SEMA5A: variants seen among roughly 807,000 people sequenced by gnomAD.
SEMA5A encodes semaphorin-5A.
In SEMA5A, 55 loss-of-function variants were observed where a neutral mutation model predicts 135.5. That is an observed-to-expected ratio of 0.41 (90% CI 0.33 to 0.51). The LOEUF is 0.51. Ranked by LOEUF, SEMA5A falls within the 20% of genes least tolerant of loss-of-function variation. The pLI is 0.37. For synonymous variants in SEMA5A, 580 were observed against 546.5 expected (o/e 1.06, Z -0.85); for missense variants, 1,290 against 1,419.9 (o/e 0.91, Z 1.47).
Position 9,146,747 on chromosome 5 carries a change from T to C in SEMA5A, c.1481+7741A>G, listed in dbSNP as rs559927287. Among the ~76,000 whole-genome samples, 9 of 152,282 alleles carry C rather than the reference T, an allele frequency of 5.9e-5. No individual in the cohort carries two copies. In the South Asian group the frequency reaches 1.7e-3, roughly 28 times the overall value. On this transcript the variant is annotated intron_variant, in intron 12 of 22. Transcript: ENST00000382496. ...GGGATGCCTCATTCATCATCCTCTA[T>C]GCAGGGCCCCACTTGGTGTTTGGCA...
At chr5:9,499,695 A>G (rs1158054666) in intron 1 of SEMA5A, among the ~76,000 whole-genome samples, 1 of 152,222 alleles carries the variant, frequency 6.6e-6, no homozygotes, top group Non-Finnish European at 1.5e-5. Flanking sequence ...GCTCAAGACA[A>G]AGGATACTAC....
intron 1 of SEMA5A, among the ~76,000 whole-genome samples, chr5:9,491,150 G>T (rs1734981057): frequency 6.6e-6 from 1 of 152,076 alleles, no homozygotes; most frequent in African/African-American, 2.4e-5. Context: ...GTTTTGGACA[G>T]AAACGGTCAT....
At chr5:9,423,417 T>C (rs987860915) in intron 2 of SEMA5A, among the ~76,000 whole-genome samples, 1 of 152,236 alleles carries the variant, frequency 6.6e-6, no homozygotes, top group African/African-American at 2.4e-5. Context: ...GTACAAACTA[T>C]GCGCAGCCTT....
intron 11 of SEMA5A, among the ~76,000 whole-genome samples, chr5:9,156,866 T>G (rs1742983382): frequency 6.6e-6 from 1 of 152,280 alleles, no homozygotes; most frequent in South Asian, 2.1e-4. Context: ...TGCTCATATG[T>G]ATTTCAAATT....
At chr5:9,179,601 A>G (rs1232066961) in intron 11 of SEMA5A, among the ~76,000 whole-genome samples, 1 of 152,220 alleles carries the variant, frequency 6.6e-6, no homozygotes, top group Non-Finnish European at 1.5e-5. Flanking sequence ...AACACATTAA[A>G]ATACAAGAAC....
chr5:9,198,915 C>T (rs114560826), intron 9 of SEMA5A, among the ~76,000 whole-genome samples: 227 of 152,240 alleles, frequency 1.5e-3, no homozygotes, highest in Non-Finnish European at 2.7e-3. Context: ...AACAATATTT[C>T]CCTGAGCCCC....
chr5:9,307,178 G>T (rs1002908169), intron 5 of SEMA5A, among the ~76,000 whole-genome samples: 1 of 152,180 alleles, frequency 6.6e-6, no homozygotes, highest in South Asian at 2.1e-4. Context: ...GGATCATGTA[G>T]TATCACTTGA....
chr5:9,408,835 T>A (rs1027146686), intron 2 of SEMA5A, among the ~76,000 whole-genome samples: 4 of 136,098 alleles, frequency 2.9e-5, no homozygotes, highest in Non-Finnish European at 6.2e-5. Flanking sequence ...TTTTTAGTTA[T>A]TTTTTTTTTA....
intron 16 of SEMA5A, among the ~76,000 whole-genome samples, chr5:9,101,090 T>C (rs1273270641): frequency 6.6e-6 from 1 of 152,230 alleles, no homozygotes; most frequent in African/African-American, 2.4e-5. Flanking sequence ...ATTATCTCAA[T>C]AAGTGCTTAA....
At chr5:9,493,516 G>A (rs957452759) in intron 1 of SEMA5A, among the ~76,000 whole-genome samples, 7 of 152,082 alleles carry the variant, frequency 4.6e-5, no homozygotes, top group African/African-American at 1.7e-4. Flanking sequence ...GAGAACATCA[G>A]TACAGTATTT....
At chr5:9,413,430 T>A (rs1200949078) in intron 2 of SEMA5A, among the ~76,000 whole-genome samples, 1 of 152,212 alleles carries the variant, frequency 6.6e-6, no homozygotes, top group African/African-American at 2.4e-5. Context: ...CAATGGCATG[T>A]ACAGAGTATT....
At chr5:9,394,637 AG>A (rs1302824455) in intron 2 of SEMA5A, among the ~76,000 whole-genome samples, 2 of 152,164 alleles carry the variant, frequency 1.3e-5, no homozygotes, top group Non-Finnish European at 2.9e-5. Context: ...GGGAGCAGGC[AG>A]GTTTTGGAAG....
intron 2 of SEMA5A, among the ~76,000 whole-genome samples, chr5:9,422,009 A>G (rs1302980407): frequency 1.9e-4 from 29 of 152,230 alleles, no homozygotes; most frequent in Non-Finnish European, 4.4e-5. Flanking sequence ...AACGATAACC[A>G]AATTACAGTC....
intron 18 of SEMA5A, among the ~76,000 whole-genome samples, chr5:9,059,047 T>C (rs533149284): frequency 1.3e-5 from 2 of 152,332 alleles, no homozygotes; most frequent in Admixed American, 1.3e-4. Context: ...GTCCCTCCAT[T>C]AGATTTAGTG....
chr5:9,530,394 A>T (rs1262304836), intron 1 of SEMA5A, among the ~76,000 whole-genome samples: 1 of 152,232 alleles, frequency 6.6e-6, no homozygotes, highest in Non-Finnish European at 1.5e-5. Flanking sequence ...ATTTATCCAA[A>T]TTAAACATCC....
At chr5:9,449,888 T>G (rs1467991134) in intron 1 of SEMA5A, among the ~76,000 whole-genome samples, 1 of 152,194 alleles carries the variant, frequency 6.6e-6, no homozygotes, top group Non-Finnish European at 1.5e-5. Flanking sequence ...AGGCCTACCT[T>G]GATCCCATCT....
intron 11 of SEMA5A, among the ~76,000 whole-genome samples, chr5:9,161,767 C>T (rs1003051094): frequency 1.3e-5 from 2 of 152,240 alleles, no homozygotes; most frequent in African/African-American, 4.8e-5. Context: ...CTGCATTTCA[C>T]ATATTGAACC....
intron 16 of SEMA5A, among the ~76,000 whole-genome samples, chr5:9,082,700 C>G (rs1295732681): frequency 6.6e-6 from 1 of 152,180 alleles, no homozygotes; most frequent in Non-Finnish European, 1.5e-5. Context: ...AGAGCCTGTT[C>G]TATATGGCAT....
intron 18 of SEMA5A, among the ~76,000 whole-genome samples, chr5:9,059,176 T>C (rs1020411287): frequency 9.3e-5 from 14 of 151,052 alleles, no homozygotes; most frequent in African/African-American, 2.2e-4. Context: ...CTTTTCTTTT[T>C]TTTTTTTATA....
Sources: allele counts gnomAD v4.1 joint callset (sites outside exome capture counted in the v4.1 genomes callset), GRCh38; gene constraint gnomAD v4.1.1; transcripts MANE v1.5; gene names NCBI Gene and HGNC (gene_info 2026-07-23, HGNC 2026-07-21).